TTC6: variants seen among roughly 807,000 people sequenced by gnomAD.
TTC6 encodes tetratricopeptide repeat domain 6.
In TTC6, 172 loss-of-function variants were observed where a neutral mutation model predicts 210.4. The observed-to-expected ratio is 0.82, with a 90% CI of 0.72 to 0.93. TTC6 has a LOEUF of 0.93. Among genes scored for constraint, TTC6 ranks in the 40% least tolerant of loss-of-function variants. The pLI, the probability that TTC6 is intolerant of heterozygous loss-of-function variation, is 0.00. For missense variants in TTC6, 2,414 were observed against 2,318.1 expected (o/e 1.04, Z -0.85); for synonymous variants, 804 against 819.6 (o/e 0.98, Z 0.32).
intron 16 of TTC6, among the ~76,000 whole-genome samples, chr14:37,791,671 C>T (rs1246830854): frequency 6.6e-6 from 1 of 152,046 alleles, no homozygotes; most frequent in East Asian, 1.9e-4. Flanking sequence ...GGTGTCTAGG[C>T]AAGGGGTCAG....
At chr14:37,804,765 G>C (rs2139404588) in exon 21 of TTC6, 1 of 1,614,086 alleles carries the variant, frequency 6.2e-7, no homozygotes, top group East Asian at 2.2e-5. Flanking sequence ...TCAGCAGACT[G>C]TCTGTATAAC....
At chr14:37,606,862 C>T in intron 2 of TTC6, 120 bp downstream of exon 2, 1 of 815,954 alleles carries the variant, frequency 1.2e-6, no homozygotes, top group Non-Finnish European at 1.5e-6. Flanking sequence ...TCTGTGGTGG[C>T]TGGTTTCTAC....
intron 24 of TTC6, among the ~76,000 whole-genome samples, chr14:37,809,335 C>T (rs2096125027): frequency 1.3e-5 from 2 of 148,806 alleles, no homozygotes; most frequent in Admixed American, 6.8e-5. Context: ...TCACTGCAAC[C>T]TCCGCCTCCC....
At chr14:37,771,991 G>A (rs946964411) in intron 14 of TTC6, among the ~76,000 whole-genome samples, 4 of 152,128 alleles carry the variant, frequency 2.6e-5, no homozygotes, top group African/African-American at 9.7e-5. Flanking sequence ...TGGTGTGAAT[G>A]TCCTTTCTGT....
intron 26 of TTC6, among the ~76,000 whole-genome samples, chr14:37,818,229 T>G (rs1871924286): frequency 6.6e-6 from 1 of 152,112 alleles, no homozygotes; most frequent in Admixed American, 6.6e-5. Context: ...GAAGAAGAGA[T>G]GAAAACACTT....
At chr14:37,671,509 C>A (rs1251202592) in intron 1 of TTC6, among the ~76,000 whole-genome samples, 5 of 152,052 alleles carry the variant, frequency 3.3e-5, no homozygotes, top group Non-Finnish European at 5.9e-5. Flanking sequence ...TAGGTGAACA[C>A]ATATTAATTT....
intron 17 of TTC6, among the ~76,000 whole-genome samples, chr14:37,794,662 C>G: frequency 6.6e-6 from 1 of 151,634 alleles, no homozygotes; most frequent in East Asian, 1.9e-4. Flanking sequence ...TTGTGCAGGC[C>G]TGTTTTTCCT....
intron 10 of TTC6, among the ~76,000 whole-genome samples, chr14:37,747,565 A>C (rs2095939881): frequency 6.6e-6 from 1 of 152,170 alleles, no homozygotes; most frequent in Admixed American, 6.5e-5. Context: ...AGGTAGTTTG[A>C]GGAGACCCTT....
chr14:37,632,122 G>T (rs1480805922), intron 1 of TTC6, among the ~76,000 whole-genome samples: 1 of 152,058 alleles, frequency 6.6e-6, no homozygotes, highest in African/African-American at 2.4e-5. Context: ...TCTGCCAGTT[G>T]GTCAAACTCA....
intron 10 of TTC6, among the ~76,000 whole-genome samples, chr14:37,743,332 A>G (rs2095926628): frequency 6.6e-6 from 1 of 152,214 alleles, no homozygotes; most frequent in South Asian, 2.1e-4. Flanking sequence ...TCTTCTTCAT[A>G]AAAGTTCATC....
intron 1 of TTC6, among the ~76,000 whole-genome samples, chr14:37,666,534 C>T (rs372805830): frequency 1.3e-5 from 2 of 149,696 alleles, no homozygotes; most frequent in Non-Finnish European, 3.0e-5. Context: ...TTTCCTGGAG[C>T]GATGCAGGTA....
At chr14:37,653,196 C>A (rs1429012606) in intron 1 of TTC6, among the ~76,000 whole-genome samples, 1 of 152,142 alleles carries the variant, frequency 6.6e-6, no homozygotes, top group Non-Finnish European at 1.5e-5. Flanking sequence ...TGATTGGATC[C>A]CATATCTTCC....
intron 1 of TTC6, among the ~76,000 whole-genome samples, chr14:37,641,744 G>GA (rs939626719): frequency 2.6e-5 from 4 of 151,800 alleles, no homozygotes; most frequent in East Asian, 1.9e-4. Context: ...TCATTATATG[G>GA]AAAAAAACTT....
At chr14:37,711,859 T>C (rs1281161066) in intron 5 of TTC6, among the ~76,000 whole-genome samples, 1 of 151,974 alleles carries the variant, frequency 6.6e-6, no homozygotes, top group Non-Finnish European at 1.5e-5. Context: ...AGAGACATCA[T>C]GGAGGGAGAA....
chr14:37,698,516 C>T (rs981253763), intron 4 of TTC6, among the ~76,000 whole-genome samples: 1 of 151,974 alleles, frequency 6.6e-6, no homozygotes, highest in Non-Finnish European at 1.5e-5. Flanking sequence ...TTTTAAAAGC[C>T]CTTTGTTAGG....
chr14:37,796,370 G>C, exon 19 of TTC6: 1 of 1,140,218 alleles, frequency 8.8e-7, no homozygotes, highest in Non-Finnish European at 1.3e-6. Context: ...AATGGACAAA[G>C]GTAAGTATAA....
At chr14:37,659,383 T>C (rs1479710903) in intron 1 of TTC6, among the ~76,000 whole-genome samples, 1 of 152,222 alleles carries the variant, frequency 6.6e-6, no homozygotes, top group Non-Finnish European at 1.5e-5. Context: ...ATAGTTGAAC[T>C]AATTTACACT....
At chr14:37,630,507 G>A (rs529053801) in intron 1 of TTC6, among the ~76,000 whole-genome samples, 2 of 152,232 alleles carry the variant, frequency 1.3e-5, no homozygotes, top group East Asian at 3.9e-4. Context: ...CAATTATGTG[G>A]TCAATTTTAG....
intron 1 of TTC6, among the ~76,000 whole-genome samples, chr14:37,646,819 C>T (rs188007971): frequency 3.4e-4 from 51 of 152,180 alleles, no homozygotes; most frequent in African/African-American, 1.2e-3. Flanking sequence ...CTAAACTATT[C>T]GCATAGTTGC....
Sources: allele counts gnomAD v4.1 joint callset (sites outside exome capture counted in the v4.1 genomes callset), GRCh38; gene constraint gnomAD v4.1.1; transcripts MANE v1.5; gene names NCBI Gene and HGNC (gene_info 2026-07-23, HGNC 2026-07-21).